The following ARHGAP6 variants were observed in gnomAD, a reference collection of about 807,000 sequenced individuals.
ARHGAP6 encodes rho GTPase-activating protein 6.
A neutral mutation model predicts 55.7 loss-of-function variants in ARHGAP6; 16 were observed. The ratio of observed to expected loss-of-function variants is 0.29; its 90% CI spans 0.19 to 0.44. The LOEUF (loss-of-function observed/expected upper bound fraction) is 0.44. Among genes scored for constraint, ARHGAP6 ranks in the 20% least tolerant of loss-of-function variants. The pLI, the probability that ARHGAP6 is intolerant of heterozygous loss-of-function variation, is 1.00. For synonymous variants in ARHGAP6, 382 were observed against 360.9 expected, an observed-to-expected ratio of 1.06 and a Z score of -0.66; for missense variants, 698 against 808.9, an observed-to-expected ratio of 0.86 and a Z score of 1.66.
At chrX:11,142,486 A>C in intron 11 of ARHGAP6, 173 bp from the exon 12 acceptor site, 1 of 251,056 alleles carries the variant, frequency 4.0e-6, no homozygotes. Flanking sequence ...TGGGATTTAC[A>C]AAAAGGCCCT....
At chrX:11,213,126 G>A (rs759275247) in intron 2 of ARHGAP6, among the ~76,000 whole-genome samples, 34 of 112,805 alleles carry the variant, frequency 3.0e-4, no homozygotes, top group Non-Finnish European at 3.2e-4. Flanking sequence ...ATCCTGTCCT[G>A]AGGAATGAAG....
At chrX:11,169,396 A>G (rs1022408859) in intron 9 of ARHGAP6, 109 bp downstream of exon 9, 2 of 700,749 alleles carry the variant, frequency 2.9e-6, no homozygotes, top group Non-Finnish European at 4.0e-6. Context: ...CAATGAATTC[A>G]GTGAGCAGCA....
At chrX:11,382,880 T>C (rs1260176998) in intron 1 of ARHGAP6, among the ~76,000 whole-genome samples, 2 of 112,447 alleles carry the variant, frequency 1.8e-5, no homozygotes, top group Non-Finnish European at 3.8e-5. Flanking sequence ...AAGCAGCTTA[T>C]ACGGACATCA....
intron 1 of ARHGAP6, among the ~76,000 whole-genome samples, chrX:11,341,252 C>G (rs928668315): frequency 2.7e-5 from 3 of 111,378 alleles, no homozygotes; most frequent in Non-Finnish European, 3.8e-5. Context: ...CAGAACAAAT[C>G]TAAGATTCCA....
At chrX:11,425,101 T>C (rs1369250365) in intron 1 of ARHGAP6, among the ~76,000 whole-genome samples, 2 of 112,165 alleles carry the variant, frequency 1.8e-5, no homozygotes, top group Non-Finnish European at 3.8e-5. Flanking sequence ...ACCTCTTATA[T>C]GCAGTCTCAC....
chrX:11,539,631 TC>T (rs1467484156), intron 1 of ARHGAP6, among the ~76,000 whole-genome samples: 7 of 111,403 alleles, frequency 6.3e-5, no homozygotes, highest in Non-Finnish European at 7.5e-5. Flanking sequence ...AGACCACAGC[TC>T]CCACTTCTGA....
At chrX:11,325,137 C>T (rs1022574092) in intron 1 of ARHGAP6, among the ~76,000 whole-genome samples, 1 of 112,469 alleles carries the variant, frequency 8.9e-6, no homozygotes, top group South Asian at 3.7e-4. Context: ...GGATTACAGG[C>T]GTGAGCCACA....
chrX:11,392,167 C>T (rs2049414846), intron 1 of ARHGAP6, among the ~76,000 whole-genome samples: 1 of 112,152 alleles, frequency 8.9e-6, no homozygotes, highest in Admixed American at 9.5e-5. Flanking sequence ...CCAAAGGAAG[C>T]TCAGTTACTC....
At chrX:11,185,585 A>C (rs1056816473) in intron 5 of ARHGAP6, among the ~76,000 whole-genome samples, 5 of 112,206 alleles carry the variant, frequency 4.5e-5, no homozygotes, top group African/African-American at 1.6e-4. Context: ...AACAAACACT[A>C]TAGCATACAA....
intron 1 of ARHGAP6, among the ~76,000 whole-genome samples, chrX:11,434,735 G>A (rs777625126): frequency 9.9e-5 from 11 of 111,174 alleles, no homozygotes; most frequent in Non-Finnish European, 1.7e-4. Flanking sequence ...TTAAGAATTC[G>A]TTGTCAGGAG....
At chrX:11,306,860 A>C (rs1484660351) in intron 1 of ARHGAP6, among the ~76,000 whole-genome samples, 1 of 112,045 alleles carries the variant, frequency 8.9e-6, no homozygotes, top group Admixed American at 9.4e-5. Context: ...AGAATCCCTA[A>C]CTCATTAAAT....
chrX:11,169,462 T>C, intron 9 of ARHGAP6, 43 bp downstream of exon 9: 2 of 1,132,929 alleles, frequency 1.8e-6, no homozygotes, highest in Non-Finnish European at 2.4e-6. Context: ...AGGAAACCAA[T>C]AGGCAGTTTG....
In ARHGAP6 at chrX:11,510,157, G is replaced by A. The variant is rs931178854; in HGVS notation, c.588+154084C>T. Reference sequence around the variant, plus strand: ...GCAAAATTATAAACAGCATTTTCCTGCAGATGACTAAGAGAAGTACTCATA... The same window carrying A: ...GCAAAATTATAAACAGCATTTTCCTACAGATGACTAAGAGAAGTACTCATA... On this transcript the variant is annotated intron_variant, in intron 1 of 12. Transcript: ENST00000337414. Among the ~76,000 whole-genome samples the A allele has an allele frequency of 3.6e-5, 4 of 111,786 alleles. No individual in the cohort carries two copies. In the South Asian group the frequency reaches 1.1e-3, roughly 31 times the overall value.
At position 11,458,408 on chromosome X, in the gene ARHGAP6, A is replaced by G. The variant is rs190230777; in HGVS notation, c.589-203701T>C. Among the ~76,000 whole-genome samples, 15 of 112,248 alleles carry G rather than the reference A, an allele frequency of 1.3e-4. No individual in the cohort carries two copies. The East Asian group carries it at 3.9e-3, about 29-fold the overall frequency. ...GATCCAAAATCCAGTGCATGTAAAC[A>G]CACAAATTGCTTGTGGGTTACTAGA... On this transcript the variant is annotated intron_variant, in intron 1 of 12. Transcript: ENST00000337414.
At chrX:11,417,234 A>G (rs1372953717) in intron 1 of ARHGAP6, among the ~76,000 whole-genome samples, 1 of 105,869 alleles carries the variant, frequency 9.4e-6, no homozygotes, top group Non-Finnish European at 1.9e-5. Context: ...CAATGGAGAC[A>G]GGAATGTTTC....
At chrX:11,240,692 T>A (rs1246221561) in intron 2 of ARHGAP6, among the ~76,000 whole-genome samples, 2 of 111,292 alleles carry the variant, frequency 1.8e-5, no homozygotes, top group Non-Finnish European at 3.8e-5. Flanking sequence ...ATGAATGCTA[T>A]CTCTGCCTTT....
chrX:11,212,284 A>G (rs1206327343), intron 2 of ARHGAP6, among the ~76,000 whole-genome samples: 3 of 111,878 alleles, frequency 2.7e-5, no homozygotes, highest in African/African-American at 9.8e-5. Context: ...GTCCCAGGTC[A>G]TATGGCACTG....
intron 1 of ARHGAP6, among the ~76,000 whole-genome samples, chrX:11,583,173 C>T (rs767389825): frequency 5.3e-5 from 6 of 112,377 alleles, no homozygotes; most frequent in Non-Finnish European, 9.4e-5. Context: ...ACTGCTACAC[C>T]TTACTAACTG....
At chrX:11,590,731 G>A (rs1430871712) in intron 1 of ARHGAP6, among the ~76,000 whole-genome samples, 1 of 98,951 alleles carries the variant, frequency 1.0e-5, no homozygotes, top group African/African-American at 3.8e-5. Context: ...GTTGCAGTGA[G>A]CACCAATGCA....
Sources: gnomAD v4.1 joint callset for allele counts (sites outside exome capture counted in the v4.1 genomes callset) on GRCh38, gnomAD v4.1.1 for gene constraint, MANE v1.5 for transcripts, NCBI Gene and HGNC (gene_info 2026-07-23, HGNC 2026-07-21) for gene names.